The following PKNOX2 variants were observed in gnomAD, a reference collection of about 807,000 sequenced individuals.
PKNOX2 encodes the protein PBX/knotted 1 homeobox 2, also known as homeobox protein PKNOX2.
A neutral mutation model predicts 53.1 loss-of-function variants in PKNOX2; 14 were observed. The ratio of observed to expected loss-of-function variants is 0.26; its 90% CI spans 0.17 to 0.41. The LOEUF (loss-of-function observed/expected upper bound fraction) is 0.41, where lower values mean the gene tolerates loss of function less well. PKNOX2 is among the 10% of genes least tolerant of loss of function. The pLI is 1.00. For missense variants in PKNOX2, 496 were observed against 602.8 expected (o/e 0.82, Z 1.85); for synonymous variants, 257 against 242.8 (o/e 1.06, Z -0.54).
rs747700857 is a variant in PKNOX2 at position 125,370,079 on chromosome 11, A to G, written c.227+2094A>G. 6.6e-6 allele frequency among the ~76,000 whole-genome samples: 1 copy of G among 152,138 alleles called. No individual in the cohort carries two copies. The highest frequency in any genetic ancestry group is 2.4e-5 in the African/African-American group (1 of 41,422). On this transcript the variant is annotated intron_variant, in intron 5 of 12. Transcript: ENST00000298282. This position sits in a 1 kb window ranked among gnomAD's most constrained non-coding sequence, Gnocchi z 4.1. ...GGTCAGGGGCCTGTAGTGAGCATAG[A>G]TCATGGTCTAGAAAGCCCTCCAGAT...
At position 125,381,858 on chromosome 11, in the gene PKNOX2, T is replaced by C. The variant is rs1953252029; in HGVS notation, c.228-3693T>C. 2.6e-5 allele frequency among the ~76,000 whole-genome samples: 4 copies of C among 152,206 alleles called. No homozygotes were observed. In the South Asian group the frequency reaches 8.3e-4, roughly 31 times the overall value. ...CTGGAACGCCAGTCCCTTAGCTCCT[T>C]GCGTGACTACGTCTCATCATCCGAG... is the stretch of plus-strand genomic sequence containing the variant. On this transcript the variant is annotated intron_variant, in intron 5 of 12. Transcript: ENST00000298282.
At chr11:125,372,304 G>A (rs1007991556) in intron 5 of PKNOX2, among the ~76,000 whole-genome samples, 2 of 152,342 alleles carry the variant, frequency 1.3e-5, no homozygotes, top group South Asian at 2.1e-4. Flanking sequence ...TAGGGAAGAC[G>A]TGAGGCTCTC....
intron 1 of PKNOX2, among the ~76,000 whole-genome samples, chr11:125,173,065 G>A (rs147392613): frequency 1.2e-5 from 1 of 83,018 alleles, no homozygotes; most frequent in Non-Finnish European, 3.0e-5. Flanking sequence ...CTACAGCTAA[G>A]CAGTGTGCAC....
At chr11:125,200,815 C>T (rs1405454084) in intron 1 of PKNOX2, among the ~76,000 whole-genome samples, 1 of 152,222 alleles carries the variant, frequency 6.6e-6, no homozygotes, top group African/African-American at 2.4e-5. Flanking sequence ...TGATGAGGAA[C>T]GGTTAAGCAA....
chr11:125,375,021 G>A (rs1269929967), intron 5 of PKNOX2, among the ~76,000 whole-genome samples: 2 of 152,150 alleles, frequency 1.3e-5, no homozygotes, highest in Admixed American at 1.3e-4. Context: ...CCGGGCCTGA[G>A]CTAAGCCAGC....
chr11:125,191,388 C>A (rs2135347407), intron 1 of PKNOX2: 1 of 152,304 alleles, frequency 6.6e-6, no homozygotes, highest in South Asian at 2.1e-4. Flanking sequence ...GCAGAATAAA[C>A]CAAAGAGAGC....
At chr11:125,208,736 T>C (rs1347593539) in intron 1 of PKNOX2, among the ~76,000 whole-genome samples, 3 of 151,966 alleles carry the variant, frequency 2.0e-5, no homozygotes, top group Admixed American at 6.6e-5. Context: ...CAATAAGAAT[T>C]CCAAGATTCA....
At chr11:125,190,480 G>A (rs895012105) in intron 1 of PKNOX2, among the ~76,000 whole-genome samples, 6 of 152,040 alleles carry the variant, frequency 3.9e-5, no homozygotes, top group Admixed American at 3.3e-4. Flanking sequence ...CTCAAAATAC[G>A]GTACTCCGCT....
At chr11:125,213,048 G>A (rs1940059959) in intron 1 of PKNOX2, among the ~76,000 whole-genome samples, 1 of 152,070 alleles carries the variant, frequency 6.6e-6, no homozygotes, top group South Asian at 2.1e-4. Flanking sequence ...CTGAAATTAT[G>A]TGAAGTTGTC....
At chr11:125,263,096 G>C (rs907576106) in intron 2 of PKNOX2, among the ~76,000 whole-genome samples, 1 of 152,152 alleles carries the variant, frequency 6.6e-6, no homozygotes, top group Non-Finnish European at 1.5e-5. Flanking sequence ...AGACTCAGTC[G>C]GGTGCCAGCC....
At chr11:125,242,122 G>A (rs1472687973) in intron 2 of PKNOX2, among the ~76,000 whole-genome samples, 1 of 152,150 alleles carries the variant, frequency 6.6e-6, no homozygotes, top group East Asian at 1.9e-4. Flanking sequence ...CTTCATCTGT[G>A]GTTCCCCGTC....
intron 2 of PKNOX2, among the ~76,000 whole-genome samples, chr11:125,259,856 C>T (rs897089459): frequency 2.0e-5 from 3 of 152,014 alleles, no homozygotes; most frequent in African/African-American, 7.2e-5. Flanking sequence ...GCCATCCCAC[C>T]CCCATTCTTT....
rs1430618590 is a variant in PKNOX2, at chr11:125,370,645, G to T, written c.227+2660G>T. Among the ~76,000 whole-genome samples, 1 of 152,220 alleles carries T rather than the reference G, an allele frequency of 6.6e-6. No homozygotes were observed. The highest frequency in any genetic ancestry group is 1.9e-4 in the East Asian group (1 of 5,204). ...TTCCCATCTCTCTAGTCCTGCTGCT[G>T]CCTCCTGGCCCGGCAGCCCCAGGGT... On this transcript the variant is annotated intron_variant, in intron 5 of 12. Coordinates refer to ENST00000298282, the MANE Select transcript of PKNOX2 (RefSeq NM_001382323.2). The surrounding 1 kb of genome is among the most constrained non-coding windows in gnomAD (Gnocchi z 4.1).
At chr11:125,328,432 G>A (rs542056806) in intron 2 of PKNOX2, among the ~76,000 whole-genome samples, 1 of 152,156 alleles carries the variant, frequency 6.6e-6, no homozygotes, top group South Asian at 2.1e-4. Flanking sequence ...TGTGTGTTGT[G>A]TCTTTGATGC....
chr11:125,251,785 A>AT (rs1565479771), intron 2 of PKNOX2, among the ~76,000 whole-genome samples: 39 of 146,226 alleles, frequency 2.7e-4, no homozygotes, highest in African/African-American at 9.5e-4. Context: ...ATATTATATA[A>AT]ATATATATAT....
intron 4 of PKNOX2, among the ~76,000 whole-genome samples, chr11:125,360,552 C>A (rs978618957): frequency 1.3e-5 from 2 of 152,138 alleles, no homozygotes; most frequent in African/African-American, 2.4e-5. Flanking sequence ...AAGCTGGTAA[C>A]GCATAATGTA....
In PKNOX2 at chr11:125,431,275, AGAGGAT is replaced by A. The variant is rs770575410; in HGVS notation, c.1312_1317del (p.Asp438_Glu439del). The A allele has an allele frequency of 1.9e-6, 3 of 1,613,720 alleles. No homozygotes were observed. Among genetic ancestry groups the A allele is most frequent in the South Asian group, 2.2e-5 (2 of 91,048 alleles). ...ATGACTCATTGGATGGGACAGAAGAAGAGGATGAGGATGAGATGGAAGAGGAGGAGG... is the reference window on the plus strand; with the variant it reads ...ATGACTCATTGGATGGGACAGAAGAAGAGGATGAGATGGAAGAGGAGGAGG... On this transcript the variant is annotated inframe_deletion, in exon 13 of 13. Coordinates refer to ENST00000298282, the MANE Select transcript of PKNOX2 (RefSeq NM_001382323.2).
intron 1 of PKNOX2, among the ~76,000 whole-genome samples, chr11:125,222,292 T>A (rs1169209464): frequency 6.6e-6 from 1 of 152,144 alleles, no homozygotes; most frequent in Non-Finnish European, 1.5e-5. Flanking sequence ...ACGGATGCCT[T>A]TCCTTCAACC....
At chr11:125,274,391 C>T (rs1946020899) in intron 2 of PKNOX2, among the ~76,000 whole-genome samples, 1 of 152,192 alleles carries the variant, frequency 6.6e-6, no homozygotes, top group African/African-American at 2.4e-5. Flanking sequence ...GTTCCCTCCG[C>T]AGAGCACAGA....
Sources: gnomAD v4.1 joint callset for allele counts (sites outside exome capture counted in the v4.1 genomes callset) on GRCh38, gnomAD v4.1.1 for gene constraint, Gnocchi (gnomAD v3.1) non-coding constraint, MANE v1.5 for transcripts, NCBI Gene and HGNC (gene_info 2026-07-23, HGNC 2026-07-21) for gene names.